Variants in PDCD1LG2 observed in about 807,000 individuals in gnomAD.
The protein encoded by PDCD1LG2 is programmed cell death 1 ligand 2, also known as B7 dendritic cell molecule.
A neutral mutation model predicts 28.2 loss-of-function variants in PDCD1LG2; 32 were observed. The ratio of observed to expected loss-of-function variants is 1.13; its 90% CI spans 0.86 to 1.52. PDCD1LG2 has a LOEUF of 1.52. Ranked by LOEUF, PDCD1LG2 falls within the 40% of genes most tolerant of loss-of-function variation. The pLI is 0.00. For missense variants in PDCD1LG2, 385 were observed against 323.8 expected (o/e 1.19, Z -1.45); for synonymous variants, 116 against 120.2 (o/e 0.97, Z 0.23).
intron 1 of PDCD1LG2, among the ~76,000 whole-genome samples, chr9:5,516,608 C>G (rs748630775): frequency 6.6e-6 from 1 of 152,210 alleles, no homozygotes; most frequent in East Asian, 1.9e-4. Context: ...CCAGGCTGTT[C>G]GTGCCGAGGG....
intron 3 of PDCD1LG2, among the ~76,000 whole-genome samples, chr9:5,537,699 G>A (rs1163289047): frequency 1.3e-5 from 2 of 152,152 alleles, no homozygotes; most frequent in Non-Finnish European, 2.9e-5. Context: ...TGGACACAGG[G>A]AGGGGAACAT....
rs568772248 is a variant in PDCD1LG2, at chr9:5,542,119, T to C, written c.361+7069T>C. Reference sequence around the variant, plus strand: ...ATTCAACAAACGGTGCTGGGATAATTGGCTAGCCACATGGAGAAGAATAAA... The same window carrying C: ...ATTCAACAAACGGTGCTGGGATAATCGGCTAGCCACATGGAGAAGAATAAA... On this transcript the variant is annotated intron_variant, in intron 3 of 6. Transcript: ENST00000397747. Among the ~76,000 whole-genome samples, 8 of 152,308 alleles carry C rather than the reference T, an allele frequency of 5.3e-5. No individual in the cohort carries two copies. In the South Asian group the frequency reaches 1.7e-3, roughly 32 times the overall value.
At chr9:5,521,369 A>T (rs1820270760) in intron 1 of PDCD1LG2, among the ~76,000 whole-genome samples, 1 of 152,336 alleles carries the variant, frequency 6.6e-6, no homozygotes, top group Non-Finnish European at 1.5e-5. Flanking sequence ...TTGTGTTTTA[A>T]ATATATATAC....
At chr9:5,535,130 T>C in intron 3 of PDCD1LG2, 80 bp downstream of exon 3, 2 of 1,312,678 alleles carry the variant, frequency 1.5e-6, no homozygotes, top group Admixed American at 2.8e-5. Context: ...CCATTAAAGG[T>C]AGCTCAAGCA....
chr9:5,521,011 C>G (rs1316455857), intron 1 of PDCD1LG2, among the ~76,000 whole-genome samples: 1 of 152,076 alleles, frequency 6.6e-6, no homozygotes, highest in Non-Finnish European at 1.5e-5. Context: ...GTATATCATA[C>G]AATGGAATAT....
chr9:5,553,988 T>C (rs1442213257), intron 4 of PDCD1LG2, among the ~76,000 whole-genome samples: 1 of 152,104 alleles, frequency 6.6e-6, no homozygotes, highest in African/African-American at 2.4e-5. Context: ...TATCATTATT[T>C]CCCTCTCTAC....
chr9:5,556,590 A>G (rs1210906268), intron 4 of PDCD1LG2, among the ~76,000 whole-genome samples: 2 of 152,222 alleles, frequency 1.3e-5, no homozygotes, highest in African/African-American at 4.8e-5. Context: ...TCTCTTCTCC[A>G]GTAAAACAAT....
chr9:5,541,088 C>T (rs1349251651), intron 3 of PDCD1LG2, among the ~76,000 whole-genome samples: 2 of 152,150 alleles, frequency 1.3e-5, no homozygotes, highest in East Asian at 3.8e-4. Context: ...TGATACACCA[C>T]ACAAACAGAA....
At chr9:5,522,784 TCC>T (rs1820301902) in intron 2 of PDCD1LG2, among the ~76,000 whole-genome samples, 183 bp downstream of exon 2, 1 of 151,634 alleles carries the variant, frequency 6.6e-6, no homozygotes, top group Non-Finnish European at 1.5e-5. Context: ...CATGCCAATG[TCC>T]CTATCTGACA....
At position 5,549,477 on chromosome 9, in the gene PDCD1LG2, G is replaced by C. The variant is rs1816279494; in HGVS notation, c.504G>C (p.Arg168Ser). The C allele has an allele frequency of 6.2e-7, 1 of 1,614,130 alleles. No individual in the cohort carries two copies. Among genetic ancestry groups the C allele is most frequent in the African/African-American group, 1.3e-5 (1 of 75,020 alleles). Residue 168 changes from arginine to serine, a missense_variant, in exon 4 of 7, where the codon AGG (arginine) becomes AGC (serine). Transcript: ENST00000397747. ...TTCCTGCCAACACCAGCCACTCCAG[G>C]ACCCCTGAAGGCCTCTACCAGGTCA... ...VSVPANTSHSRTPEGLYQVTS... is the reference protein window; with the variant it reads ...VSVPANTSHSSTPEGLYQVTS...
intron 2 of PDCD1LG2, among the ~76,000 whole-genome samples, chr9:5,529,330 G>A (rs1028167417): frequency 6.6e-6 from 1 of 151,994 alleles, no homozygotes; most frequent in Non-Finnish European, 1.5e-5. Context: ...TTTATATAAG[G>A]TGTGATGTAT....
In PDCD1LG2 at chr9:5,535,194, T is replaced by C. The variant is rs1586803369; in HGVS notation, c.361+144T>C. 6 of 765,962 alleles carry C rather than the reference T, an allele frequency of 7.8e-6. No homozygotes were observed. The South Asian group carries it at 9.8e-5, about 12-fold the overall frequency. The allele number at this position is 765,962 out of a possible 1,614,324, so 47.4% of individuals were successfully genotyped here. On this transcript the variant is annotated intron_variant, in intron 3 of 6. Transcript: ENST00000397747. ...AGCTATTTCAGAGAAAATGAAAGCA[T>C]CTGCTCGGAAATAATTTTTGACATC...
intron 3 of PDCD1LG2, among the ~76,000 whole-genome samples, chr9:5,544,379 T>C (rs1820751169): frequency 6.6e-6 from 1 of 152,168 alleles, no homozygotes; most frequent in South Asian, 2.1e-4. Context: ...GGCCTGTCCA[T>C]TGGTATCTGG....
At chr9:5,556,122 T>G (rs7849512) in intron 4 of PDCD1LG2, among the ~76,000 whole-genome samples, 24,404 of 152,126 alleles carry the variant, frequency 0.16, 2,538 homozygotes, top group African/African-American at 0.28. Context: ...AGCAGACTGA[T>G]TTCCTACTGG....
chr9:5,534,988 A>G lies in PDCD1LG2; in HGVS notation c.299A>G (p.Tyr100Cys). 2 of 1,614,166 alleles carry G rather than the reference A, an allele frequency of 1.2e-6. No individual in the cohort carries two copies. Among genetic ancestry groups the G allele is most frequent in the Non-Finnish European group, 1.7e-6 (2 of 1,180,020 alleles). The change falls in exon 3 of 7, where the codon TAC becomes TGC. Residue 100 changes from tyrosine to cysteine, a missense_variant. Tyr to Cys is a radical substitution (Grantham distance 194). Coordinates refer to ENST00000397747, the MANE Select transcript of PDCD1LG2 (RefSeq NM_025239.4). ...PQVQVRDEGQ[Y>C]QCIIIYGVAW... Reference sequence around the variant, plus strand: ...GTCCAAGTGAGGGACGAAGGACAGTACCAATGCATAATCATCTATGGGGTC... The same window carrying G: ...GTCCAAGTGAGGGACGAAGGACAGTGCCAATGCATAATCATCTATGGGGTC...
At chr9:5,542,324 AATAG>A (rs1243106304) in intron 3 of PDCD1LG2, among the ~76,000 whole-genome samples, 3 of 152,108 alleles carry the variant, frequency 2.0e-5, no homozygotes, top group Non-Finnish European at 4.4e-5. Flanking sequence ...GACAAAGGTA[AATAG>A]ATAAATAGGG....
chr9:5,539,433 T>C (rs1820647046), intron 3 of PDCD1LG2, among the ~76,000 whole-genome samples: 1 of 152,118 alleles, frequency 6.6e-6, no homozygotes, highest in East Asian at 1.9e-4. Context: ...TGAAAATGGG[T>C]TTGTTTATAG....
At chr9:5,511,935 T>C (rs572097506) in intron 1 of PDCD1LG2, among the ~76,000 whole-genome samples, 3 of 152,168 alleles carry the variant, frequency 2.0e-5, no homozygotes, top group African/African-American at 7.2e-5. Context: ...GCAATACACA[T>C]AGGTGCTTAG....
chr9:5,546,976 G>T lies in PDCD1LG2; in HGVS notation c.362-2359G>T, dbSNP rs1192310647. Among the ~76,000 whole-genome samples, 3 of 152,106 alleles carry T rather than the reference G, an allele frequency of 2.0e-5. No individual in the cohort carries two copies. In the South Asian group the frequency reaches 6.2e-4, roughly 32 times the overall value. ...TCTCTAGTGAACCCAGATCTAGTGG[G>T]TGTTGTTTGCTATAATGAATCAAAT... On this transcript the variant is annotated intron_variant, in intron 3 of 6. Coordinates refer to ENST00000397747, the MANE Select transcript of PDCD1LG2 (RefSeq NM_025239.4).
Sources: gnomAD v4.1 joint callset for allele counts (sites outside exome capture counted in the v4.1 genomes callset) on GRCh38, gnomAD v4.1.1 for gene constraint, MANE v1.5 for transcripts, NCBI Gene and HGNC (gene_info 2026-07-23, HGNC 2026-07-21) for gene names.